Variants in GABRG3 observed in about 807,000 individuals in gnomAD.
GABRG3 encodes gamma-aminobutyric acid receptor subunit gamma-3.
Under a neutral mutation model 48.8 loss-of-function variants are expected in GABRG3, and 25 were observed. That is an observed-to-expected ratio of 0.51 (90% CI 0.37 to 0.72). The LOEUF (loss-of-function observed/expected upper bound fraction) is 0.72, where lower values mean the gene tolerates loss of function less well. Among genes scored for constraint, GABRG3 ranks in the 30% least tolerant of loss-of-function variants. The pLI, the probability that GABRG3 is intolerant of heterozygous loss-of-function variation, is 0.00. For synonymous variants in GABRG3, 227 were observed against 217.6 expected (o/e 1.04, Z -0.38); for missense variants, 394 against 577.9 (o/e 0.68, Z 3.26).
At chr15:27,483,386 A>G (rs1358424225) in intron 6 of GABRG3, 3 of 152,194 alleles carry the variant, frequency 2.0e-5, no homozygotes, top group Non-Finnish European at 4.4e-5. Context: ...TTTCTATAGA[A>G]ACACCAGTCA....
chr15:27,252,554 G>A (rs375443769), intron 3 of GABRG3, among the ~76,000 whole-genome samples: 6 of 152,296 alleles, frequency 3.9e-5, no homozygotes, highest in South Asian at 4.1e-4. Context: ...TGTTAAACCC[G>A]CTGGTCCTCT....
chr15:27,232,551 T>A (rs1889831686), intron 3 of GABRG3, among the ~76,000 whole-genome samples: 1 of 152,182 alleles, frequency 6.6e-6, no homozygotes, highest in Non-Finnish European at 1.5e-5. Flanking sequence ...GATACTTCAG[T>A]GCCTTGGGGT....
intron 3 of GABRG3, among the ~76,000 whole-genome samples, chr15:27,162,399 T>C (rs1440163189): frequency 6.6e-6 from 1 of 152,190 alleles, no homozygotes; most frequent in African/African-American, 2.4e-5. Context: ...GCCATACTTT[T>C]GGCCTTCTTA....
chr15:27,239,807 C>T (rs548626448), intron 3 of GABRG3, among the ~76,000 whole-genome samples: 5 of 152,174 alleles, frequency 3.3e-5, no homozygotes, highest in Non-Finnish European at 5.9e-5. Context: ...TGATAGTCGA[C>T]AGCCATTTAT....
intron 5 of GABRG3, among the ~76,000 whole-genome samples, chr15:27,476,772 A>G (rs1399002362): frequency 1.3e-5 from 2 of 152,228 alleles, no homozygotes; most frequent in Admixed American, 1.3e-4. Flanking sequence ...TTACTTGAAA[A>G]AATAGTGGCC....
At chr15:27,271,365 GTCC>G (rs1349030996) in intron 3 of GABRG3, among the ~76,000 whole-genome samples, 1 of 152,212 alleles carries the variant, frequency 6.6e-6, no homozygotes, top group African/African-American at 2.4e-5. Context: ...CCCGCACTCT[GTCC>G]TCCTCGTGCT....
intron 5 of GABRG3, among the ~76,000 whole-genome samples, chr15:27,394,461 G>C (rs1462531884): frequency 1.3e-5 from 2 of 151,918 alleles, no homozygotes; most frequent in Non-Finnish European, 1.5e-5. Context: ...GTTGTATTTT[G>C]ATCCCTATGG....
chr15:26,971,672 C>T, intron 1 of GABRG3, 84 bp downstream of exon 1: 4 of 1,407,112 alleles, frequency 2.8e-6, no homozygotes, highest in Non-Finnish European at 2.8e-6. Flanking sequence ...GAGTCCCTGG[C>T]GCGCCAGCCG....
At chr15:26,998,269 T>C (rs1319851826) in intron 2 of GABRG3, among the ~76,000 whole-genome samples, 1 of 152,132 alleles carries the variant, frequency 6.6e-6, no homozygotes, top group African/African-American at 2.4e-5. Context: ...GCTTTGTTGT[T>C]TTCAACAACA....
At chr15:27,263,109 C>T (rs1449400856) in intron 3 of GABRG3, among the ~76,000 whole-genome samples, 5 of 152,202 alleles carry the variant, frequency 3.3e-5, no homozygotes, top group East Asian at 1.9e-4. Context: ...TAATGCAGAA[C>T]GCTAGTGCCG....
chr15:27,295,055 A>ATTGAGAAATTGGTGAAT (rs1891934213), intron 3 of GABRG3: 9 of 152,164 alleles, frequency 5.9e-5, no homozygotes, highest in Admixed American at 5.9e-4. Context: ...AGTTCACCCA[A>ATTGAGAAATTGGTGAAT]TCTTGAGAAA....
intron 3 of GABRG3, among the ~76,000 whole-genome samples, chr15:27,168,811 G>T (rs938041630): frequency 2.0e-5 from 3 of 152,028 alleles, no homozygotes; most frequent in African/African-American, 7.3e-5. Flanking sequence ...AGAGCGATGA[G>T]AAATAAATTT....
Position 27,020,472 on chromosome 15 carries a change from C to T in GABRG3, c.203-6282C>T, listed in dbSNP as rs375555901. On this transcript the variant is annotated intron_variant, in intron 2 of 9. Coordinates refer to ENST00000615808, the MANE Select transcript of GABRG3 (RefSeq NM_033223.5). ...TTTCGCCCAGGCTGGAGTGCAGTGG[C>T]GCTATCTCGGCTCACTGCAAGCTCC... Among the ~76,000 whole-genome samples the T allele has an allele frequency of 8.5e-5, 13 of 152,302 alleles. 1 individual carries two copies. Among genetic ancestry groups the T allele is most frequent in the East Asian group, 3.9e-4 (2 of 5,184 alleles).
chr15:27,477,718 A>G (rs981308756), intron 5 of GABRG3, among the ~76,000 whole-genome samples: 8 of 152,142 alleles, frequency 5.3e-5, no homozygotes, highest in Admixed American at 2.6e-4. Context: ...CTGTGAACCT[A>G]GAAGTACACT....
intron 5 of GABRG3, among the ~76,000 whole-genome samples, chr15:27,355,978 C>T (rs890655239): frequency 6.6e-6 from 1 of 151,998 alleles, no homozygotes; most frequent in African/African-American, 2.4e-5. Context: ...GGGAATGATA[C>T]CTAAAAGGCA....
rs375465514 is a variant in GABRG3, at chr15:27,184,396, G to GTATC, written c.271-142411_271-142408dup. 1.5e-4 allele frequency among the ~76,000 whole-genome samples: 23 copies of GTATC among 152,268 alleles called. No homozygotes were observed. The East Asian group carries it at 3.7e-3, about 24-fold the overall frequency. On this transcript the variant is annotated intron_variant, in intron 3 of 9. Transcript: ENST00000615808. The stretch of plus-strand genomic sequence containing the variant: ...AGGGAGAGGGCAGAGAGTTTTTCCT[G>GTATC]TATCTGGATTCTTCTCGATTGCCTT...
At chr15:27,383,989 T>C (rs952016922) in intron 5 of GABRG3, among the ~76,000 whole-genome samples, 1 of 152,232 alleles carries the variant, frequency 6.6e-6, no homozygotes, top group Non-Finnish European at 1.5e-5. Context: ...CGGATTTCTT[T>C]AGAAACAAGC....
Position 27,397,867 on chromosome 15 carries a change from C to T in GABRG3, c.574+68979C>T, listed in dbSNP as rs546695527. ...TGGCCCAGGCTGCAGTGCAGTGGTGCGATCTCGGCTCACTGCAAGCTCCGC... is the reference window on the plus strand; with the variant it reads ...TGGCCCAGGCTGCAGTGCAGTGGTGTGATCTCGGCTCACTGCAAGCTCCGC... On this transcript the variant is annotated intron_variant, in intron 5 of 9. Transcript: ENST00000615808. Among the ~76,000 whole-genome samples, 31 of 146,912 alleles carry T rather than the reference C, an allele frequency of 2.1e-4. No individual in the cohort carries two copies. The South Asian group carries it at 5.6e-3, about 27-fold the overall frequency.
intron 3 of GABRG3, among the ~76,000 whole-genome samples, chr15:27,110,182 T>G (rs1296712146): frequency 6.6e-6 from 1 of 152,194 alleles, no homozygotes; most frequent in Non-Finnish European, 1.5e-5. Flanking sequence ...TCATTTATGC[T>G]TATTTTTAAT....
Sources: allele counts gnomAD v4.1 joint callset (sites outside exome capture counted in the v4.1 genomes callset), GRCh38; gene constraint gnomAD v4.1.1; transcripts MANE v1.5; gene names NCBI Gene and HGNC (gene_info 2026-07-23, HGNC 2026-07-21).